Variants in DDX60 observed in about 807,000 individuals in gnomAD.
DDX60 encodes the protein probable ATP-dependent RNA helicase DDX60.
DDX60 carries 165 observed loss-of-function variants against 212.8 expected under a neutral mutation model. The observed-to-expected ratio is 0.78, with a 90% CI of 0.68 to 0.88. The LOEUF is 0.88. DDX60 is among the 40% of genes least tolerant of loss of function. The pLI, the probability that DDX60 is intolerant of heterozygous loss-of-function variation, is 0.00. For missense variants in DDX60, 1,905 were observed against 2,003.9 expected, an observed-to-expected ratio of 0.95 and a Z score of 0.94; for synonymous variants, 703 against 685.3, an observed-to-expected ratio of 1.03 and a Z score of -0.40.
At chr4:168,301,197 GA>G (rs1736634111) in intron 6 of DDX60, among the ~76,000 whole-genome samples, 1 of 152,114 alleles carries the variant, frequency 6.6e-6, no homozygotes, top group Non-Finnish European at 1.5e-5. Flanking sequence ...ATTGAAGAGA[GA>G]AATTAAAAAT....
chr4:168,243,676 G>A (rs539406105), intron 30 of DDX60, among the ~76,000 whole-genome samples: 8 of 152,262 alleles, frequency 5.3e-5, no homozygotes, highest in East Asian at 3.9e-4. Context: ...CAGTCCAACC[G>A]CATTGTGGAA....
At chr4:168,257,826 G>A (rs1734474104) in intron 25 of DDX60, among the ~76,000 whole-genome samples, 1 of 152,168 alleles carries the variant, frequency 6.6e-6, no homozygotes, top group Non-Finnish European at 1.5e-5. Flanking sequence ...TGTATCTGAA[G>A]GGAGGAAGAT....
chr4:168,277,209 G>C (rs114881753), intron 14 of DDX60, among the ~76,000 whole-genome samples: 1 of 152,258 alleles, frequency 6.6e-6, no homozygotes, highest in South Asian at 2.1e-4. Context: ...TTATAAAGTA[G>C]AGCACATGGT....
rs764542294 is a variant in DDX60, at chr4:168,236,348, A to G, written c.4437T>C (p.Val1479=). Residue 1479 remains valine, a synonymous_variant, in exon 33 of 38, where the codon GTT becomes GTC. Coordinates refer to ENST00000393743, the MANE Select transcript of DDX60 (RefSeq NM_017631.6). ...CCAATACTAATACTAGCTTTTCCAT[A>G]ACGTCTTGAGAAAAATGTTTTGAGC... ...RKGSKHFSQD[V]MEKLVLVLAH... 6.2e-7 allele frequency: 1 copy of G among 1,607,976 alleles called. No individual in the cohort carries two copies. The highest frequency in any genetic ancestry group is 8.5e-7 in the Non-Finnish European group (1 of 1,177,182).
intron 8 of DDX60, among the ~76,000 whole-genome samples, chr4:168,291,400 T>C (rs1736095211): frequency 6.6e-6 from 1 of 152,122 alleles, no homozygotes; most frequent in Non-Finnish European, 1.5e-5. Flanking sequence ...TCTATAAGAG[T>C]TGAAAGTAAT....
At chr4:168,317,517 T>G (rs770439059) in intron 1 of DDX60, among the ~76,000 whole-genome samples, 3 of 152,046 alleles carry the variant, frequency 2.0e-5, no homozygotes, top group Non-Finnish European at 4.4e-5. Context: ...GGATTCTGTA[T>G]TGGAACAGAA....
intron 5 of DDX60, among the ~76,000 whole-genome samples, chr4:168,302,924 C>G (rs1023204635): frequency 2.6e-5 from 4 of 152,030 alleles, no homozygotes; most frequent in Non-Finnish European, 5.9e-5. Context: ...ACATAATCCT[C>G]AAATTGACTA....
intron 6 of DDX60, among the ~76,000 whole-genome samples, chr4:168,296,153 C>T (rs1448162164): frequency 6.6e-6 from 1 of 151,916 alleles, no homozygotes; most frequent in African/African-American, 2.4e-5. Context: ...AAATGTCTCA[C>T]AATAAAAAAT....
chr4:168,290,616 A>T (rs1036846493), intron 8 of DDX60, among the ~76,000 whole-genome samples: 4 of 151,904 alleles, frequency 2.6e-5, no homozygotes, highest in African/African-American at 9.7e-5. Context: ...TTGGCCTCCG[A>T]AAGTTCTGGG....
intron 1 of DDX60, among the ~76,000 whole-genome samples, chr4:168,312,681 TAGTA>T (rs1737185846): frequency 7.5e-6 from 1 of 133,040 alleles, no homozygotes; most frequent in South Asian, 2.3e-4. Flanking sequence ...TATGGATAGA[TAGTA>T]GATAGATTGA....
Position 168,276,178 on chromosome 4 carries a change from T to G in DDX60, c.1982A>C (p.Lys661Thr). ...AGCTATACTTAAATCTTTCGTGGTT[T>G]TACCTTGATAAACAATAAACAATAA... ...WKEHCRSEEG[K>T]TTKDLSIAVQ... The change falls in exon 15 of 38, where the codon AAA becomes ACA. Residue 661 changes from lysine (K) to threonine (T), a missense_variant. Physicochemically the swap from Lys to Thr is moderately conservative, Grantham distance 78. Transcript: ENST00000393743. The G allele has an allele frequency of 6.3e-7, 1 of 1,599,674 alleles. No individual in the cohort carries two copies. The highest frequency in any genetic ancestry group is 8.5e-7 in the Non-Finnish European group (1 of 1,171,798).
At position 168,276,036 on chromosome 4, in the gene DDX60, T is replaced by C. The variant is rs1260531213; in HGVS notation, c.2124A>G (p.Ala708=). The C allele has an allele frequency of 7.4e-6, 12 of 1,612,338 alleles. No homozygotes were observed. Among genetic ancestry groups the C allele is most frequent in the Non-Finnish European group, 1.0e-5 (12 of 1,179,068 alleles). The part of the protein sequence containing the change: ...CLKYLGFDEL[A]SSLHPAQDAE... The stretch of plus-strand genomic sequence containing the variant: ...TTACCTGGGCTGGATGTAAAGAACT[T>C]GCCAACTCATCAAATCCTAAATACT... The change falls in exon 15 of 38, where the codon GCA becomes GCG. Residue 708 remains alanine, a synonymous_variant. Transcript: ENST00000393743.
At chr4:168,304,630 C>T (rs990618684) in intron 5 of DDX60, among the ~76,000 whole-genome samples, 7 of 151,910 alleles carry the variant, frequency 4.6e-5, no homozygotes, top group African/African-American at 1.7e-4. Flanking sequence ...GAGCCCGAGA[C>T]GTGGAAGCTG....
chr4:168,301,623 T>C (rs1375929162), intron 6 of DDX60, among the ~76,000 whole-genome samples: 2 of 152,140 alleles, frequency 1.3e-5, no homozygotes, highest in Non-Finnish European at 1.5e-5. Context: ...AGCTGTCCCT[T>C]ACGGTGGAAT....
intron 5 of DDX60, 75 bp from the exon 6 acceptor site, chr4:168,302,491 A>G (rs899502930): frequency 3.0e-5 from 18 of 610,046 alleles, no homozygotes; most frequent in Non-Finnish European, 4.1e-5. Context: ...AGAAAATTAC[A>G]TATTTTAGAT....
intron 4 of DDX60, 38 bp from the exon 5 acceptor site, chr4:168,306,758 T>C (rs1399424531): frequency 6.8e-7 from 1 of 1,459,998 alleles, no homozygotes; most frequent in Non-Finnish European, 9.4e-7. Context: ...TATTTCAAAA[T>C]TATCATTTAA....
chr4:168,319,624 G>A (rs1737551970), upstream of DDX60, among the ~76,000 whole-genome samples: 1 of 152,156 alleles, frequency 6.6e-6, no homozygotes, highest in Non-Finnish European at 1.5e-5. Flanking sequence ...ATTTTTGCCT[G>A]TTGATACTTG....
intron 16 of DDX60, among the ~76,000 whole-genome samples, chr4:168,274,960 G>A (rs2149521217): frequency 6.6e-6 from 1 of 152,290 alleles, no homozygotes; most frequent in Admixed American, 6.5e-5. Context: ...CAGATGCAAT[G>A]TGTAAATATC....
At chr4:168,316,887 A>G (rs1044479849) in intron 1 of DDX60, among the ~76,000 whole-genome samples, 7 of 151,726 alleles carry the variant, frequency 4.6e-5, no homozygotes, top group Non-Finnish European at 8.8e-5. Flanking sequence ...GTGAAACCCC[A>G]TCTCTACTAA....
Sources: allele counts gnomAD v4.1 joint callset (sites outside exome capture counted in the v4.1 genomes callset), GRCh38; gene constraint gnomAD v4.1.1; transcripts MANE v1.5; gene names NCBI Gene and HGNC (gene_info 2026-07-23, HGNC 2026-07-21).